The following VMA22 variants were observed in gnomAD, a reference collection of about 807,000 sequenced individuals.
VMA22 encodes the protein vacuolar ATPase assembly protein VMA22.
At chr2:130,340,973 G>C in the VMA22 span, 4 of 1,613,612 alleles carry the variant, frequency 2.5e-6, no homozygotes, top group Non-Finnish European at 3.4e-6. Flanking sequence ...CCAGTTCAGG[G>C]GGTCCTGAGG....
chr2:130,339,301 T>G, the VMA22 span: 2 of 1,454,140 alleles, frequency 1.4e-6, no homozygotes, highest in Admixed American at 1.9e-5. Context: ...GATCTGGATA[T>G]CCCCAGAAAT....
the VMA22 span, chr2:130,341,465 C>G: frequency 3.4e-6 from 2 of 585,314 alleles, no homozygotes; most frequent in African/African-American, 1.9e-5. Flanking sequence ...GATTGTAAAT[C>G]TATTCCCAGT....
the VMA22 span, chr2:130,339,113 G>A: frequency 1.6e-4 from 261 of 1,605,406 alleles, no homozygotes; most frequent in Admixed American, 1.8e-4. Flanking sequence ...GCCTCTTTGC[G>A]CGCATGTCAG....
the VMA22 span, chr2:130,339,193 C>T: frequency 1.4e-5 from 23 of 1,613,992 alleles, no homozygotes; most frequent in South Asian, 1.3e-4. Flanking sequence ...CCAGTCAATG[C>T]GGTTCTGGAG....
the VMA22 span, chr2:130,341,828 G>C: frequency 1.6e-6 from 1 of 621,728 alleles, no homozygotes; most frequent in African/African-American, 2.1e-5. Flanking sequence ...GCCCAGCATG[G>C]AAGCTTCCTC....
At chr2:130,340,858 G>A in the VMA22 span, 1 of 1,611,276 alleles carries the variant, frequency 6.2e-7, no homozygotes, top group Non-Finnish European at 8.5e-7. Context: ...AGTGTTCCCT[G>A]TGGATAGAGG....
the VMA22 span, chr2:130,340,888 AAAC>A: frequency 4.3e-6 from 7 of 1,613,920 alleles, no homozygotes; most frequent in East Asian, 2.2e-5. Context: ...CCACAGAGCC[AAAC>A]AACACGGTCC....
chr2:130,342,333 C>A, the VMA22 span: 2 of 878,026 alleles, frequency 2.3e-6, no homozygotes, highest in Non-Finnish European at 1.7e-6. Context: ...ACTGGTTTCT[C>A]CAATTAGCCC....
the VMA22 span, chr2:130,339,319 G>T: frequency 7.2e-7 from 1 of 1,382,800 alleles, no homozygotes; most frequent in Non-Finnish European, 1.0e-6. Flanking sequence ...AATTGGAAAG[G>T]CTTCAGGCCT....
At chr2:130,341,325 G>A in the VMA22 span, 5 of 546,084 alleles carry the variant, frequency 9.2e-6, no homozygotes, top group African/African-American at 7.6e-5. Context: ...CATGCCAACA[G>A]ACCAGACATA....
At chr2:130,342,049 C>T in the VMA22 span, 6 of 1,613,994 alleles carry the variant, frequency 3.7e-6, no homozygotes, top group African/African-American at 1.3e-5. Context: ...CGTTCGTTTC[C>T]CCTCCAGCTC....
At chr2:130,340,897 G>A in the VMA22 span, 29 of 1,613,832 alleles carry the variant, frequency 1.8e-5, no homozygotes, top group African/African-American at 1.3e-4. Context: ...CAAACAACAC[G>A]GTCCACTCAC....
chr2:130,339,335 C>G, the VMA22 span: 1 of 1,336,000 alleles, frequency 7.5e-7, no homozygotes, highest in Non-Finnish European at 1.0e-6. Flanking sequence ...GGCCTCTCTG[C>G]CCCCCACACT....
chr2:130,339,932 C>T, the VMA22 span: 1 of 850,430 alleles, frequency 1.2e-6, no homozygotes, highest in Non-Finnish European at 1.6e-6. Flanking sequence ...GCAGTGGACT[C>T]CCAAATCTCT....
the VMA22 span, chr2:130,339,915 G>C: frequency 5.2e-6 from 5 of 964,546 alleles, no homozygotes; most frequent in Admixed American, 3.5e-5. Flanking sequence ...TTAAACACCA[G>C]TGCTATGCAG....
At chr2:130,342,198 A>C in the VMA22 span, 8 of 1,577,356 alleles carry the variant, frequency 5.1e-6, no homozygotes, top group Middle Eastern at 1.7e-4. Flanking sequence ...GCCAATAGGC[A>C]CACGAGATCC....
At chr2:130,341,821 C>CCCCCCCCGGAG in the VMA22 span, 1 of 1,558,166 alleles carries the variant, frequency 6.4e-7, no homozygotes, top group Non-Finnish European at 8.7e-7. Context: ...CCACCCAGCC[C>CCCCCCCCGGAG]AGCATGGAAG....
At chr2:130,340,779 G>A in the VMA22 span, 9 of 1,142,620 alleles carry the variant, frequency 7.9e-6, no homozygotes, top group East Asian at 9.7e-5. Context: ...GGTGTACAAC[G>A]GAAGTTTGGA....
chr2:130,342,039 C>G, the VMA22 span: 1 of 1,613,954 alleles, frequency 6.2e-7, no homozygotes, highest in South Asian at 1.1e-5. Flanking sequence ...CGTTCAACAC[C>G]GTTCGTTTCC....
Sources: allele counts gnomAD v4.1 joint callset, GRCh38; gene constraint gnomAD v4.1.1; transcripts MANE v1.5; gene names NCBI Gene and HGNC (gene_info 2026-07-23, HGNC 2026-07-21).